The following KCNQ5 variants were observed in gnomAD, a reference collection of about 807,000 sequenced individuals.
KCNQ5 encodes potassium voltage-gated channel subfamily Q member 5.
A neutral mutation model predicts 98.2 loss-of-function variants in KCNQ5; 30 were observed. That is an observed-to-expected ratio of 0.31 (90% CI 0.23 to 0.41). KCNQ5 has a LOEUF of 0.41. Among genes scored for constraint, KCNQ5 ranks in the 10% least tolerant of loss-of-function variants. KCNQ5 has a pLI of 1.00. For synonymous variants in KCNQ5, 458 were observed against 449.4 expected, an observed-to-expected ratio of 1.02 and a Z score of -0.24; for missense variants, 835 against 1,182.5, an observed-to-expected ratio of 0.71 and a Z score of 4.31.
chr6:72,728,852 T>C (rs538314289), intron 1 of KCNQ5, among the ~76,000 whole-genome samples: 2 of 152,296 alleles, frequency 1.3e-5, no homozygotes, highest in East Asian at 1.9e-4. Context: ...AGTGATATGA[T>C]CTTTTCTTTC....
At chr6:72,868,777 C>A (rs957896433) in intron 1 of KCNQ5, among the ~76,000 whole-genome samples, 2 of 152,004 alleles carry the variant, frequency 1.3e-5, no homozygotes, top group Admixed American at 6.6e-5. Flanking sequence ...AGGAGATCTG[C>A]GGAAGGTGAG....
chr6:72,980,474 TTGTC>T (rs1354646693), intron 1 of KCNQ5, among the ~76,000 whole-genome samples: 1 of 152,136 alleles, frequency 6.6e-6, no homozygotes, highest in Non-Finnish European at 1.5e-5. Context: ...TTGGCTCTGT[TTGTC>T]TGTTATTGGT....
At chr6:73,193,549 G>C (rs2150526655) in intron 13 of KCNQ5, among the ~76,000 whole-genome samples, 1 of 147,476 alleles carries the variant, frequency 6.8e-6, no homozygotes, top group South Asian at 2.1e-4. Flanking sequence ...TAATTCTGAT[G>C]ACACATTGAA....
At chr6:72,888,789 C>T (rs577991355) in intron 1 of KCNQ5, among the ~76,000 whole-genome samples, 2 of 152,242 alleles carry the variant, frequency 1.3e-5, no homozygotes, top group African/African-American at 4.8e-5. Flanking sequence ...ATGTTGCATT[C>T]CTGAGTAGTC....
At chr6:72,760,891 C>T (rs1450314961) in intron 1 of KCNQ5, among the ~76,000 whole-genome samples, 3 of 152,134 alleles carry the variant, frequency 2.0e-5, no homozygotes, top group Non-Finnish European at 4.4e-5. Context: ...CCTTCTTTCA[C>T]ATTCTGTGCT....
intron 1 of KCNQ5, among the ~76,000 whole-genome samples, chr6:72,644,305 C>G (rs1765479106): frequency 6.6e-6 from 1 of 152,132 alleles, no homozygotes; most frequent in Non-Finnish European, 1.5e-5. Flanking sequence ...TTCATTAACA[C>G]TGAACTCACA....
At chr6:73,002,603 A>C (rs1325599972) in intron 1 of KCNQ5, among the ~76,000 whole-genome samples, 1 of 152,162 alleles carries the variant, frequency 6.6e-6, no homozygotes, top group Non-Finnish European at 1.5e-5. Flanking sequence ...TGTTGGGATA[A>C]ATATAAAGAA....
chr6:72,978,759 T>C (rs1203387048), intron 1 of KCNQ5, among the ~76,000 whole-genome samples: 1 of 152,214 alleles, frequency 6.6e-6, no homozygotes, highest in Admixed American at 6.5e-5. Flanking sequence ...ACATGTGCCG[T>C]GTTGGTTTGC....
intron 1 of KCNQ5, among the ~76,000 whole-genome samples, chr6:72,685,479 C>G (rs1292793819): frequency 6.6e-6 from 1 of 152,184 alleles, no homozygotes; most frequent in African/African-American, 2.4e-5. Context: ...CCGTTCCTGG[C>G]CCCCTGACAA....
intron 10 of KCNQ5, among the ~76,000 whole-genome samples, chr6:73,168,521 G>T (rs552349390): frequency 7.9e-5 from 12 of 152,208 alleles, no homozygotes; most frequent in African/African-American, 2.6e-4. Context: ...TGGCCAACAT[G>T]GTGAAACCCC....
intron 1 of KCNQ5, among the ~76,000 whole-genome samples, chr6:72,969,186 A>T (rs1169778552): frequency 1.3e-5 from 2 of 152,236 alleles, no homozygotes; most frequent in Non-Finnish European, 2.9e-5. Context: ...CAAATTTGAA[A>T]GTAATTGAAC....
intron 1 of KCNQ5, among the ~76,000 whole-genome samples, chr6:72,938,741 C>T (rs1766074512): frequency 6.6e-6 from 1 of 151,964 alleles, no homozygotes; most frequent in Non-Finnish European, 1.5e-5. Context: ...CTCAAGAAAG[C>T]TTTTTTAAAA....
intron 1 of KCNQ5, among the ~76,000 whole-genome samples, chr6:72,668,247 G>A (rs894278127): frequency 2.0e-4 from 31 of 152,116 alleles, no homozygotes; most frequent in South Asian, 2.1e-4. Context: ...CTTAAAAAAG[G>A]AAAGTTGACA....
At chr6:73,187,061 CTTT>C (rs56920924) in intron 11 of KCNQ5, among the ~76,000 whole-genome samples, 11 of 137,178 alleles carry the variant, frequency 8.0e-5, no homozygotes, top group Non-Finnish European at 9.5e-5. Flanking sequence ...CACCAAAATT[CTTT>C]TTTTTTTTTT....
chr6:73,100,815 A>G (rs1471533925), intron 5 of KCNQ5, among the ~76,000 whole-genome samples: 3 of 152,132 alleles, frequency 2.0e-5, no homozygotes, highest in Non-Finnish European at 4.4e-5. Context: ...ATTAAAACTG[A>G]TACTACAGAA....
chr6:73,048,669 C>T (rs1772079491), intron 3 of KCNQ5, among the ~76,000 whole-genome samples: 1 of 152,086 alleles, frequency 6.6e-6, no homozygotes, highest in Admixed American at 6.5e-5. Context: ...CAAATTATTA[C>T]CCATTTATGT....
chr6:72,701,426 CAAATA>C (rs1768801175), intron 1 of KCNQ5, among the ~76,000 whole-genome samples: 1 of 151,984 alleles, frequency 6.6e-6, no homozygotes, highest in Non-Finnish European at 1.5e-5. Context: ...ATCGGTTTTG[CAAATA>C]AAATGTTGTC....
intron 1 of KCNQ5, among the ~76,000 whole-genome samples, chr6:72,999,458 A>G (rs1047770345): frequency 1.3e-5 from 2 of 152,220 alleles, no homozygotes; most frequent in Admixed American, 6.5e-5. Flanking sequence ...TTCCAGACTA[A>G]TTTTGAAGGA....
chr6:72,933,072 A>C (rs971644059), intron 1 of KCNQ5, among the ~76,000 whole-genome samples: 3 of 152,214 alleles, frequency 2.0e-5, no homozygotes, highest in Admixed American at 2.0e-4. Context: ...ATTCTAGAGT[A>C]ATAACCCTCA....
Sources: gnomAD v4.1 joint callset for allele counts (sites outside exome capture counted in the v4.1 genomes callset) on GRCh38, gnomAD v4.1.1 for gene constraint, MANE v1.5 for transcripts, NCBI Gene and HGNC (gene_info 2026-07-23, HGNC 2026-07-21) for gene names.